The following CLIC5 variants were observed in gnomAD, a reference collection of about 807,000 sequenced individuals.
CLIC5 encodes the protein CLIC family member 5.
CLIC5 carries 20 observed loss-of-function variants against 24.7 expected under a neutral mutation model. That is an observed-to-expected ratio of 0.81 (90% CI 0.57 to 1.18). The LOEUF is 1.18. CLIC5 is among the 50% of genes most tolerant of loss of function. The pLI is 0.00. For missense variants in CLIC5, 341 were observed against 326.1 expected, an observed-to-expected ratio of 1.05 and a Z score of -0.35; for synonymous variants, 159 against 135.6, an observed-to-expected ratio of 1.17 and a Z score of -1.20.
intron 4 of CLIC5, among the ~76,000 whole-genome samples, chr6:45,925,029 C>T (rs1275934145): frequency 2.6e-5 from 4 of 152,182 alleles, no homozygotes; most frequent in African/African-American, 9.6e-5. Context: ...ATTAGGAGCT[C>T]TAAGCAGCAG....
intron 1 of CLIC5, among the ~76,000 whole-genome samples, chr6:46,051,540 G>GA (rs1768101939): frequency 6.6e-6 from 1 of 151,950 alleles, no homozygotes; most frequent in African/African-American, 2.4e-5. Context: ...TTTTTTCTGT[G>GA]TTTTTCCCTG....
intron 4 of CLIC5, chr6:45,919,204 T>G (rs759364065): frequency 2.1e-4 from 142 of 671,904 alleles, no homozygotes; most frequent in Non-Finnish European, 2.5e-4. Context: ...CCAGAGAACC[T>G]GCCCCTCCTT....
At chr6:45,912,280 G>A (rs1442500282) in intron 5 of CLIC5, 10 of 1,000,224 alleles carry the variant, frequency 1.0e-5, no homozygotes, top group African/African-American at 1.7e-5. Context: ...CCAAGGGCTG[G>A]CCTTTGTTCT....
intron 6 of CLIC5, among the ~76,000 whole-genome samples, chr6:45,882,904 T>G (rs909346072): frequency 6.6e-6 from 1 of 152,190 alleles, no homozygotes; most frequent in Admixed American, 6.5e-5. Flanking sequence ...AGAAGAGTAT[T>G]GAAAAGACCC....
rs952892753 is a variant in CLIC5 at position 46,015,741 on chromosome 6, A to T, written c.-199T>A. 2 of 1,239,158 alleles carry T rather than the reference A, an allele frequency of 1.6e-6. No individual in the cohort carries two copies. Among genetic ancestry groups the T allele is most frequent in the Non-Finnish European group, 2.0e-6 (2 of 991,562 alleles). 76.8% of individuals were successfully genotyped at this position (1,239,158 alleles called of 1,614,324 possible). A position where few individuals can be genotyped will look rare whatever the true frequency, so the allele number is the denominator to read the frequency against. ...TGTCCCAGATGCTCACATGAAAAGGAGCGAAGCCGGGAGGAGGCGGGGGGC... is the reference window on the plus strand; with the variant it reads ...TGTCCCAGATGCTCACATGAAAAGGTGCGAAGCCGGGAGGAGGCGGGGGGC... On this transcript the variant is annotated 5_prime_UTR_variant, in exon 1 of 6. Transcript: ENST00000339561.
intron 1 of CLIC5, among the ~76,000 whole-genome samples, chr6:46,048,288 C>T (rs1412196663): frequency 6.6e-6 from 1 of 152,290 alleles, no homozygotes; most frequent in East Asian, 1.9e-4. Context: ...CAGGCATGAG[C>T]CACTGCTCCC....
At chr6:45,972,289 A>G (rs1765226811) in intron 1 of CLIC5, among the ~76,000 whole-genome samples, 2 of 152,214 alleles carry the variant, frequency 1.3e-5, no homozygotes, top group Non-Finnish European at 2.9e-5. Flanking sequence ...GGGAATAATA[A>G]CAGCTGCCCA....
At chr6:46,090,734 ATTC>A in the CLIC5 span, among the ~76,000 whole-genome samples, 2 of 152,230 alleles carry the variant, frequency 1.3e-5, no homozygotes, top group African/African-American at 4.8e-5. Context: ...CTTAAAATCT[ATTC>A]TTTTAGAAAT....
intron 4 of CLIC5, among the ~76,000 whole-genome samples, chr6:45,935,661 G>A (rs75168515): frequency 2.6e-5 from 4 of 152,246 alleles, no homozygotes; most frequent in South Asian, 4.2e-4. Flanking sequence ...ATGCTCTTTC[G>A]CAGGACCACG....
intron 1 of CLIC5, among the ~76,000 whole-genome samples, chr6:45,993,889 A>G (rs1318590011): frequency 6.6e-6 from 1 of 152,172 alleles, no homozygotes; most frequent in Non-Finnish European, 1.5e-5. Flanking sequence ...GTTAAAATAC[A>G]TCCGTTCATG....
chr6:45,953,457 G>A (rs58857205), intron 2 of CLIC5, among the ~76,000 whole-genome samples: 3,482 of 152,164 alleles, frequency 0.023, 134 homozygotes, highest in African/African-American at 0.074. Flanking sequence ...CCTGGGGCCA[G>A]GGACAAGAAG....
At chr6:46,082,483 A>G (rs1762945717), upstream of CLIC5, among the ~76,000 whole-genome samples, 1 of 152,182 alleles carries the variant, frequency 6.6e-6, no homozygotes, top group South Asian at 2.1e-4. Context: ...AACGGCCCAC[A>G]TGGCCCTGCA....
At chr6:45,935,802 ATGGG>A (rs1480721486) in intron 4 of CLIC5, among the ~76,000 whole-genome samples, 1 of 152,090 alleles carries the variant, frequency 6.6e-6, no homozygotes, top group Non-Finnish European at 1.5e-5. Flanking sequence ...AATCTGAGTA[ATGGG>A]TGGATTCCAC....
chr6:45,903,190 G>A lies in CLIC5; in HGVS notation c.654C>T (p.Leu218=). The A allele has an allele frequency of 2.5e-6, 4 of 1,613,682 alleles. No individual in the cohort carries two copies. The highest frequency in any genetic ancestry group is 3.3e-4 in the Middle Eastern group (2 of 6,058). Residue 218 remains leucine (L), a synonymous_variant, in exon 6 of 6, where the codon CTC becomes CTT. Coordinates refer to ENST00000339561, the MANE Select transcript of CLIC5 (RefSeq NM_016929.5). ...ACTCATCACGGGCATAGGCGTTCTTGAGGTACCGCCACAGGCCTGTCATCT... is the reference window on the plus strand; with the variant it reads ...ACTCATCACGGGCATAGGCGTTCTTAAGGTACCGCCACAGGCCTGTCATCT... ...PAEMTGLWRY[L]KNAYARDEFT...
chr6:46,015,231 A>G (rs1382694593), intron 1 of CLIC5, among the ~76,000 whole-genome samples: 5 of 152,104 alleles, frequency 3.3e-5, no homozygotes, highest in Non-Finnish European at 7.4e-5. Flanking sequence ...GTGACAGCGG[A>G]GGCGGGGACG....
At chr6:46,048,572 G>C (rs1768019343) in intron 1 of CLIC5, among the ~76,000 whole-genome samples, 1 of 151,970 alleles carries the variant, frequency 6.6e-6, no homozygotes. Flanking sequence ...CACCTTGGCT[G>C]CTGCTTGCTT....
intron 1 of CLIC5, among the ~76,000 whole-genome samples, chr6:46,036,842 T>G (rs1245668128): frequency 6.6e-6 from 1 of 152,204 alleles, no homozygotes; most frequent in African/African-American, 2.4e-5. Context: ...GTTTCAAAAA[T>G]AATAAGGGAA....
chr6:46,034,844 A>G (rs1452781635), intron 1 of CLIC5, among the ~76,000 whole-genome samples: 2 of 152,166 alleles, frequency 1.3e-5, no homozygotes, highest in East Asian at 3.9e-4. Flanking sequence ...CACGGACTCA[A>G]ACTATGTCAT....
At chr6:46,031,681 C>T (rs1040672593) in intron 1 of CLIC5, among the ~76,000 whole-genome samples, 1 of 151,608 alleles carries the variant, frequency 6.6e-6, no homozygotes, top group Admixed American at 6.6e-5. Context: ...ATGTACCAAA[C>T]TAAATGTCCT....
Sources: allele counts gnomAD v4.1 joint callset (sites outside exome capture counted in the v4.1 genomes callset), GRCh38; gene constraint gnomAD v4.1.1; transcripts MANE v1.5; gene names NCBI Gene and HGNC (gene_info 2026-07-23, HGNC 2026-07-21).